LARP4B: variants seen among roughly 807,000 people sequenced by gnomAD.
LARP4B encodes the protein La ribonucleoprotein 4B.
In LARP4B, 12 loss-of-function variants were observed where a neutral mutation model predicts 89.8. The observed-to-expected ratio is 0.13, with a 90% CI of 0.09 to 0.22. The LOEUF (loss-of-function observed/expected upper bound fraction) is 0.22. LARP4B is among the 10% of genes least tolerant of loss of function. The pLI is 1.00. For synonymous variants in LARP4B, 367 were observed against 363.3 expected (o/e 1.01, Z -0.12); for missense variants, 757 against 947.7 (o/e 0.80, Z 2.64).
At chr10:956,500 C>T in the LARP4B span, among the ~76,000 whole-genome samples, 1 of 152,070 alleles carries the variant, frequency 6.6e-6, no homozygotes, top group Non-Finnish European at 1.5e-5. The surrounding 1 kb of genome is among the most constrained non-coding windows in gnomAD (Gnocchi z 4.3). Flanking sequence ...CGCCCGCCAC[C>T]ACGCCCAGCT....
the LARP4B span, among the ~76,000 whole-genome samples, chr10:984,968 G>A: frequency 1.3e-5 from 2 of 152,100 alleles, no homozygotes; most frequent in Non-Finnish European, 2.9e-5. Context: ...ACCAAACAAG[G>A]TAATAACTCT....
intron 3 of LARP4B, among the ~76,000 whole-genome samples, chr10:875,884 T>C (rs1588953251): frequency 6.6e-6 from 1 of 152,130 alleles, no homozygotes; most frequent in East Asian, 1.9e-4. Flanking sequence ...GTCCTTCTTA[T>C]AATGCAAAAA....
the LARP4B span, among the ~76,000 whole-genome samples, chr10:977,546 GAA>G: frequency 8.0e-6 from 1 of 124,750 alleles, no homozygotes. Flanking sequence ...TCCTATCTCA[GAA>G]AAAAAAAAAA....
rs1395107774 is a variant in LARP4B at position 927,838 on chromosome 10, T to G, written c.-40+3590A>C. 2.0e-5 allele frequency among the ~76,000 whole-genome samples: 3 copies of G among 152,230 alleles called. No homozygotes were observed. In the East Asian group the frequency reaches 5.8e-4, roughly 29 times the overall value. On this transcript the variant is annotated intron_variant, in intron 1 of 17. Transcript: ENST00000316157. ...AATATACTCCAAGATTTTTGTGCAA[T>G]TTATCAATCTGAAAAGAATATCCCT...
rs566830317 is a variant in LARP4B at position 833,620 on chromosome 10, G to A, written c.751-2643C>T. ...AAAAGACAGAAATTGGGCCCGGTGC[G>A]GTGGCTCACGCCTGTAATCCCAGCA... On this transcript the variant is annotated intron_variant, in intron 8 of 17. Transcript: ENST00000316157. Among the ~76,000 whole-genome samples the A allele has an allele frequency of 1.1e-3, 175 of 152,234 alleles. 1 individual carries two copies. The highest frequency in any genetic ancestry group is 3.4e-3 in the Middle Eastern group (1 of 294).
chr10:891,544 G>A (rs1836019755), intron 1 of LARP4B, among the ~76,000 whole-genome samples: 1 of 152,136 alleles, frequency 6.6e-6, no homozygotes, highest in Non-Finnish European at 1.5e-5. Context: ...CTTCCTCAAA[G>A]TACTATGTGG....
the LARP4B span, chr10:988,123 C>G: frequency 0.89 from 204,344 of 228,500 alleles, 91,629 homozygotes; most frequent in East Asian, 0.92. Flanking sequence ...CCGGACCCTC[C>G]AACCCTGGCC....
chr10:952,196 C>T, the LARP4B span, among the ~76,000 whole-genome samples: 5 of 151,558 alleles, frequency 3.3e-5, no homozygotes, highest in South Asian at 2.1e-4. Context: ...AAAAATTAGC[C>T]GGGCTTGGTG....
rs1832871861 is a variant in LARP4B at position 830,939 on chromosome 10, T to A, written c.789A>T (p.Lys263Asn). Residue 263 changes from lysine (K) to asparagine (N), a missense_variant, in exon 9 of 18, where the codon AAA (lysine) becomes AAT (asparagine). Lys to Asn is a moderately conservative substitution (Grantham distance 94, BLOSUM62 0). Coordinates refer to ENST00000316157, the MANE Select transcript of LARP4B (RefSeq NM_015155.3). ...TATATGCAAATTCACAGTTTATAAA[T>A]TTTGGTAAATTATCTCCTTTAAATA... ...EALFKGDNLPKFINCEFAYND... is the reference protein window; with the variant it reads ...EALFKGDNLPNFINCEFAYND... 7.5e-7 allele frequency: 1 copy of A among 1,333,566 alleles called. No homozygotes were observed. The highest frequency in any genetic ancestry group is 1.1e-6 in the Non-Finnish European group (1 of 928,402). 82.6% of individuals were successfully genotyped at this position (1,333,566 alleles called of 1,614,324 possible).
At position 820,689 on chromosome 10, in the gene LARP4B, T is replaced by C; in HGVS notation, c.1530+111A>G. On this transcript the variant is annotated intron_variant, in intron 14 of 17. Coordinates refer to ENST00000316157, the MANE Select transcript of LARP4B (RefSeq NM_015155.3). ...TTAGTGGATTTCACGTTACAAGTCT[T>C]TTGAAATGCTCATTCTTGTGCCTTA... 5 of 991,460 alleles carry C rather than the reference T, an allele frequency of 5.0e-6. No homozygotes were observed. The South Asian group carries it at 7.9e-5, about 16-fold the overall frequency. The allele number at this position is 991,460 out of a possible 1,614,324, so 61.4% of individuals were successfully genotyped here.
At chr10:965,023 C>A in the LARP4B span, among the ~76,000 whole-genome samples, 1 of 152,368 alleles carries the variant, frequency 6.6e-6, no homozygotes, top group Admixed American at 6.5e-5. Context: ...GGCTGCCTTG[C>A]ACGCTGAGGC....
chr10:827,264 A>C lies in LARP4B; in HGVS notation c.1126-1394T>G, dbSNP rs1468244324. On this transcript the variant is annotated intron_variant, in intron 11 of 17. Coordinates refer to ENST00000316157, the MANE Select transcript of LARP4B (RefSeq NM_015155.3). ...GCACTCCAGCCTGGGCGACAGAGAG[A>C]GACTCTGTCTCAAAGAAAAAGAAAA... Among the ~76,000 whole-genome samples, 7 of 152,188 alleles carry C rather than the reference A, an allele frequency of 4.6e-5. No homozygotes were observed. The South Asian group carries it at 1.2e-3, about 27-fold the overall frequency.
At chr10:905,351 G>A (rs1310236834) in intron 1 of LARP4B, among the ~76,000 whole-genome samples, 1 of 152,096 alleles carries the variant, frequency 6.6e-6, no homozygotes, top group Non-Finnish European at 1.5e-5. Flanking sequence ...CTCCTTTCTT[G>A]AATTTAATAT....
chr10:928,877 A>C (rs567985614), intron 1 of LARP4B, among the ~76,000 whole-genome samples: 1 of 146,632 alleles, frequency 6.8e-6, no homozygotes, highest in South Asian at 2.1e-4. Context: ...CCCAGCCTGC[A>C]CGTATTTTAG....
intron 3 of LARP4B, among the ~76,000 whole-genome samples, chr10:877,675 T>C (rs1194416704): frequency 6.6e-6 from 1 of 152,186 alleles, no homozygotes; most frequent in African/African-American, 2.4e-5. Flanking sequence ...CTAACAGGAA[T>C]TTATGAGTAA....
downstream of LARP4B, chr10:809,430 T>C (rs1273727951): frequency 6.6e-6 from 1 of 152,208 alleles, no homozygotes; most frequent in African/African-American, 2.4e-5. Context: ...GATCCAATCA[T>C]ATATGAGGCC....
intron 8 of LARP4B, among the ~76,000 whole-genome samples, chr10:833,575 G>C (rs1373909846): frequency 6.6e-6 from 1 of 152,150 alleles, no homozygotes; most frequent in African/African-American, 2.4e-5. Flanking sequence ...CTTAAATGTA[G>C]ATGGGCTACA....
intron 1 of LARP4B, among the ~76,000 whole-genome samples, chr10:927,101 G>T (rs942871348): frequency 6.6e-5 from 10 of 152,080 alleles, no homozygotes; most frequent in African/African-American, 2.4e-4. Flanking sequence ...TGTACTCCAT[G>T]GTCTAGGTCT....
the LARP4B span, among the ~76,000 whole-genome samples, chr10:969,354 G>C: frequency 3.3e-5 from 5 of 152,170 alleles, no homozygotes; most frequent in African/African-American, 4.8e-5. Context: ...CAGAAAGCTT[G>C]ATGACAAGGG....
Sources: allele counts gnomAD v4.1 joint callset (sites outside exome capture counted in the v4.1 genomes callset), GRCh38; gene constraint gnomAD v4.1.1; non-coding constraint Gnocchi (gnomAD v3.1); transcripts MANE v1.5; gene names NCBI Gene and HGNC (gene_info 2026-07-23, HGNC 2026-07-21).